Variants in AP1G1 observed in about 807,000 individuals in gnomAD.
AP1G1 encodes AP-1 complex subunit gamma-1.
AP1G1 carries 7 observed loss-of-function variants against 108.3 expected under a neutral mutation model. That is an observed-to-expected ratio of 0.06 (90% CI 0.04 to 0.12). AP1G1 has a LOEUF of 0.12. Among genes scored for constraint, AP1G1 ranks in the 10% least tolerant of loss-of-function variants. AP1G1 has a pLI of 1.00. For missense variants in AP1G1, 756 were observed against 1,010.7 expected, an observed-to-expected ratio of 0.75 and a Z score of 3.42; for synonymous variants, 379 against 353.5, an observed-to-expected ratio of 1.07 and a Z score of -0.81.
chr16:71,742,354 T>C (rs1033251258), intron 19 of AP1G1: 2 of 151,964 alleles, frequency 1.3e-5, no homozygotes, highest in Non-Finnish European at 1.5e-5. Flanking sequence ...ATTTAAAAAA[T>C]AATAATAAAA....
chr16:71,764,693 G>A lies in AP1G1; in HGVS notation c.772C>T (p.Arg258Ter), dbSNP rs1428976744. 6.2e-7 allele frequency: 1 copy of A among 1,610,970 alleles called. No individual in the cohort carries two copies. Among genetic ancestry groups the A allele is most frequent in the Non-Finnish European group, 8.5e-7 (1 of 1,179,132 alleles). The change falls in exon 8 of 23, where the codon CGA becomes TGA. Residue 258 changes from arginine (R) to a stop codon, truncating the protein, a stop_gained. Transcript: ENST00000299980. LOFTEE classifies it high-confidence loss of function. ...GCTTCACTTGAATCATCATCATTTC[G>A]TCCTAAAATTCTTAATAACCGCAAA... ...RILRLLRILGRNDDDSSEAMN... is the reference protein window; with the variant it reads ...RILRLLRILG
At position 71,761,646 on chromosome 16, in the gene AP1G1, T is replaced by C. The variant is rs1418116534; in HGVS notation, c.919-79A>G. The C allele has an allele frequency of 1.1e-5, 11 of 1,046,532 alleles. No individual in the cohort carries two copies. The East Asian group carries it at 1.9e-4, about 18-fold the overall frequency. The allele number at this position is 1,046,532 out of a possible 1,614,324, so 64.8% of individuals were successfully genotyped here. On this transcript the variant is annotated intron_variant, in intron 9 of 22. Coordinates refer to ENST00000299980, the MANE Select transcript of AP1G1 (RefSeq NM_001128.6). ...TTCCTGAGTTTAAAGGATCACTTCA[T>C]GACCTCTGGTGCTTCACAGACTGCT... is the stretch of plus-strand genomic sequence containing the variant.
chr16:71,782,453 G>A (rs1479069588), intron 2 of AP1G1, among the ~76,000 whole-genome samples: 1 of 150,126 alleles, frequency 6.7e-6, no homozygotes, highest in Non-Finnish European at 1.5e-5. Context: ...TTTAGTCACC[G>A]CACCCAGCCT....
chr16:71,770,995 A>G, intron 5 of AP1G1, 161 bp downstream of exon 5: 1 of 443,330 alleles, frequency 2.3e-6, no homozygotes, highest in Non-Finnish European at 4.0e-6. Context: ...AGGATATGTG[A>G]GTGGAAAGAC....
intron 4 of AP1G1, chr16:71,772,845 A>G (rs936340063): frequency 3.4e-6 from 1 of 291,464 alleles, no homozygotes; most frequent in Non-Finnish European, 6.7e-6. Flanking sequence ...ATTCCCTAAT[A>G]ATTATCTAGG....
At chr16:71,743,759 T>G (rs533402561) in intron 19 of AP1G1, among the ~76,000 whole-genome samples, 26 of 148,894 alleles carry the variant, frequency 1.7e-4, no homozygotes, top group African/African-American at 6.2e-4. Flanking sequence ...CAACCTGGCC[T>G]ACATGGTGAA....
intron 21 of AP1G1, among the ~76,000 whole-genome samples, chr16:71,735,637 C>G (rs1159010891): frequency 1.4e-5 from 2 of 144,432 alleles, no homozygotes; most frequent in Non-Finnish European, 3.0e-5. Context: ...GCCTGGGCAA[C>G]AGAGCAAGAC....
At chr16:71,806,768 T>C (rs1334966393) in intron 1 of AP1G1, 6 of 1,230,254 alleles carry the variant, frequency 4.9e-6, no homozygotes, top group Non-Finnish European at 5.3e-6. Context: ...TTCAGGGTAA[T>C]ACAGAACTCA....
chr16:71,765,789 A>G, intron 6 of AP1G1: 1 of 492,624 alleles, frequency 2.0e-6, no homozygotes, highest in South Asian at 2.1e-5. Context: ...TTTTATCTGG[A>G]TAAAACCAAA....
intron 12 of AP1G1, 59 bp downstream of exon 12, chr16:71,755,958 TAA>T: frequency 6.4e-7 from 1 of 1,561,318 alleles, no homozygotes; most frequent in African/African-American, 1.4e-5. Context: ...CCCCATGTTT[TAA>T]AGACACTTCC....
chr16:71,775,193 AT>A (rs930260879), intron 2 of AP1G1, among the ~76,000 whole-genome samples: 2 of 143,478 alleles, frequency 1.4e-5, no homozygotes. Context: ...AACCCAGGTA[AT>A]TTTTTTTTTG....
At chr16:71,750,571 C>T in intron 13 of AP1G1, 2 of 386,012 alleles carry the variant, frequency 5.2e-6, no homozygotes. Context: ...CATGCCACCA[C>T]ACCTGGCTAA....
intron 21 of AP1G1, among the ~76,000 whole-genome samples, chr16:71,737,797 C>CT (rs2045568369): frequency 6.6e-6 from 1 of 152,280 alleles, no homozygotes; most frequent in South Asian, 2.1e-4. Context: ...ATTAGGTTAG[C>CT]TTAGTCTAAA....
At chr16:71,792,073 CT>C (rs1221338908) in intron 1 of AP1G1, among the ~76,000 whole-genome samples, 4 of 151,996 alleles carry the variant, frequency 2.6e-5, no homozygotes, top group Admixed American at 1.3e-4. Flanking sequence ...ACACTAAACT[CT>C]TATACAAGGG....
intron 2 of AP1G1, among the ~76,000 whole-genome samples, chr16:71,779,082 T>G (rs1010568874): frequency 5.3e-5 from 8 of 152,176 alleles, no homozygotes; most frequent in Non-Finnish European, 1.0e-4. Context: ...TGGAAAACTT[T>G]TACTTCAAAC....
intron 1 of AP1G1, among the ~76,000 whole-genome samples, chr16:71,792,780 G>A (rs1289202347): frequency 6.6e-6 from 1 of 152,022 alleles, no homozygotes; most frequent in Non-Finnish European, 1.5e-5. Context: ...CTTTAACCCG[G>A]GAAGTGGAGA....
intron 1 of AP1G1, among the ~76,000 whole-genome samples, chr16:71,795,833 A>G (rs995483335): frequency 1.3e-5 from 2 of 152,224 alleles, no homozygotes; most frequent in African/African-American, 4.8e-5. Flanking sequence ...AGAGGGGTGC[A>G]TACCTATTTC....
chr16:71,733,448 C>G (rs1302572208), intron 22 of AP1G1, among the ~76,000 whole-genome samples: 1 of 152,152 alleles, frequency 6.6e-6, no homozygotes, highest in African/African-American at 2.4e-5. Context: ...TTTTTCTTTT[C>G]TTTTCTTTTG....
At chr16:71,792,697 T>C (rs1259320786) in intron 1 of AP1G1, among the ~76,000 whole-genome samples, 1 of 151,780 alleles carries the variant, frequency 6.6e-6, no homozygotes, top group African/African-American at 2.4e-5. Context: ...CTACTAAAGA[T>C]ACAAAAAATA....
Sources: gnomAD v4.1 joint callset for allele counts (sites outside exome capture counted in the v4.1 genomes callset) on GRCh38, gnomAD v4.1.1 for gene constraint, MANE v1.5 for transcripts, NCBI Gene and HGNC (gene_info 2026-07-23, HGNC 2026-07-21) for gene names.